The following CEP128 variants were observed in gnomAD, a reference collection of about 807,000 sequenced individuals.
The protein encoded by CEP128 is centrosomal protein 128kDa.
A neutral mutation model predicts 156.7 loss-of-function variants in CEP128; 132 were observed. The observed-to-expected ratio is 0.84, with a 90% CI of 0.73 to 0.97. The LOEUF (loss-of-function observed/expected upper bound fraction) is 0.97, where lower values mean the gene tolerates loss of function less well. Ranked by LOEUF, CEP128 falls within the 50% of genes least tolerant of loss-of-function variation. The pLI is 0.00. For synonymous variants in CEP128, 469 were observed against 448.9 expected (o/e 1.04, Z -0.57); for missense variants, 1,252 against 1,281.9 (o/e 0.98, Z 0.36).
chr14:80,794,352 C>G (rs1901875551), intron 13 of CEP128, among the ~76,000 whole-genome samples: 1 of 152,112 alleles, frequency 6.6e-6, no homozygotes, highest in Admixed American at 6.6e-5. Flanking sequence ...CAAAAACAAA[C>G]TTCATTTTCT....
In CEP128 at chr14:80,587,371, C is replaced by T. The variant is rs187764385; in HGVS notation, c.2807-6948G>A. On this transcript the variant is annotated intron_variant, in intron 19 of 24. Transcript: ENST00000555265. ...TCAGACACTGAAACAACATGCTGGT[C>T]TACAGATGGAGCCCAATTGGTCCAA... is the stretch of plus-strand genomic sequence containing the variant. Among the ~76,000 whole-genome samples the T allele has an allele frequency of 2.7e-3, 414 of 152,276 alleles. 2 individuals carry two copies. The highest frequency in any genetic ancestry group is 9.0e-3 in the African/African-American group (375 of 41,554).
At chr14:80,508,430 T>C (rs1316586745) in intron 23 of CEP128, among the ~76,000 whole-genome samples, 2 of 152,200 alleles carry the variant, frequency 1.3e-5, no homozygotes, top group African/African-American at 4.8e-5. Context: ...GAGATCACCT[T>C]CGTTGATGAT....
chr14:80,727,153 C>T (rs1043108709), intron 19 of CEP128, among the ~76,000 whole-genome samples: 1 of 152,088 alleles, frequency 6.6e-6, no homozygotes, highest in East Asian at 1.9e-4. Context: ...GGCCAAACAA[C>T]AGTTACCCCT....
Position 80,553,809 on chromosome 14 carries a change from T to C in CEP128, c.2880+5470A>G, listed in dbSNP as rs181574409. 2.5e-3 allele frequency among the ~76,000 whole-genome samples: 377 copies of C among 152,352 alleles called. 3 individuals are homozygous for C. Among genetic ancestry groups the C allele is most frequent in the Non-Finnish European group, 3.3e-3 (224 of 68,030 alleles). ...GCTAAACTCTGTATTTTTTCATAAT[T>C]TAACTATGAATTCCTTGGGCATTTT... On this transcript the variant is annotated intron_variant, in intron 21 of 24. Transcript: ENST00000555265.
At chr14:80,822,936 G>C (rs923669259) in intron 13 of CEP128, 5 of 464,306 alleles carry the variant, frequency 1.1e-5, no homozygotes, top group Admixed American at 9.5e-5. Context: ...CTTCATTGTT[G>C]TTTTTGGGGG....
rs145556118 is a variant in CEP128 at position 80,805,170 on chromosome 14, G to A, written c.1210-12060C>T. Reference sequence around the variant, plus strand: ...AACCTTGATAACCTAGATAAATCTAGGAGATTTAACCTAGATAAATCTCTA... The same window carrying A: ...AACCTTGATAACCTAGATAAATCTAAGAGATTTAACCTAGATAAATCTCTA... On this transcript the variant is annotated intron_variant, in intron 13 of 24. Transcript: ENST00000555265. Among the ~76,000 whole-genome samples the A allele has an allele frequency of 7.3e-3, 1,104 of 151,800 alleles. 9 individuals are homozygous for A. The highest frequency in any genetic ancestry group is 0.011 in the Non-Finnish European group (760 of 67,928).
chr14:80,861,574 C>T (rs1285747378), intron 9 of CEP128, among the ~76,000 whole-genome samples: 1 of 151,950 alleles, frequency 6.6e-6, no homozygotes, highest in Non-Finnish European at 1.5e-5. Flanking sequence ...AAAATGAAAG[C>T]CATTCTACAA....
rs200401152 is a variant in CEP128 at position 80,955,850 on chromosome 14, T to C, written c.-172+2328A>G. On this transcript the variant is annotated intron_variant, in intron 2 of 7. Coordinates refer to the CEP128 transcript ENST00000555529. The stretch of plus-strand genomic sequence containing the variant: ...AGCTTACCGCCCAGTACGCAGACTC[T>C]GTGAGTACCCGGGAGAGATCAGGGT... The C allele has an allele frequency of 5.0e-6, 8 of 1,614,032 alleles. No homozygotes were observed. Among genetic ancestry groups the C allele is most frequent in the South Asian group, 1.1e-5 (1 of 91,090 alleles).
intron 13 of CEP128, among the ~76,000 whole-genome samples, chr14:80,825,983 G>A (rs1015023203): frequency 6.6e-6 from 1 of 151,786 alleles, no homozygotes; most frequent in Non-Finnish European, 1.5e-5. Flanking sequence ...GCACACGCCT[G>A]TAATCCCAGC....
chr14:80,558,612 G>A lies in CEP128; in HGVS notation c.2880+667C>T, dbSNP rs541114413. On this transcript the variant is annotated intron_variant, in intron 21 of 24. Transcript: ENST00000555265. ...CAATTTTTGTATTTTTAGTAGAGAC[G>A]GGGTTTTACCACGTTGGCCAGGCTG... is the stretch of plus-strand genomic sequence containing the variant. 1.1e-4 allele frequency among the ~76,000 whole-genome samples: 17 copies of A among 151,974 alleles called. No individual in the cohort carries two copies. The East Asian group carries it at 2.7e-3, about 24-fold the overall frequency.
In CEP128 at chr14:80,699,352, G is replaced by A. The variant is rs549031994; in HGVS notation, c.2806+43723C>T. 1.9e-3 allele frequency among the ~76,000 whole-genome samples: 287 copies of A among 152,218 alleles called. 2 individuals carry two copies. Among genetic ancestry groups the A allele is most frequent in the African/African-American group, 6.6e-3 (276 of 41,554 alleles). ...TACCGCCCATGCACTACAGGCCATG[G>A]CCATGAAAGCATTTTCCAAGATGGT... is the stretch of plus-strand genomic sequence containing the variant. On this transcript the variant is annotated intron_variant, in intron 19 of 24. Coordinates refer to ENST00000555265, the MANE Select transcript of CEP128 (RefSeq NM_152446.5).
chr14:80,680,046 G>A (rs79251375), intron 19 of CEP128, among the ~76,000 whole-genome samples: 1 of 152,222 alleles, frequency 6.6e-6, no homozygotes, highest in African/African-American at 2.4e-5. Flanking sequence ...ATGCATTTTA[G>A]TCTTGAGCCA....
At chr14:80,859,111 G>A (rs1314169577) in intron 9 of CEP128, among the ~76,000 whole-genome samples, 4,365 of 148,938 alleles carry the variant, frequency 0.029, 180 homozygotes, top group African/African-American at 0.1. Flanking sequence ...TGTTTATTGC[G>A]GCATTATTCA....
intron 19 of CEP128, among the ~76,000 whole-genome samples, chr14:80,649,641 GT>G (rs1259227333): frequency 1.3e-5 from 2 of 152,026 alleles, no homozygotes; most frequent in Middle Eastern, 3.4e-3. Flanking sequence ...TAGGAATGGG[GT>G]AAAAAAAAGT....
At chr14:80,933,562 T>G (rs1026241638) in intron 2 of CEP128, among the ~76,000 whole-genome samples, 1 of 152,188 alleles carries the variant, frequency 6.6e-6, no homozygotes, top group Non-Finnish European at 1.5e-5. Context: ...GTAGCTTGAT[T>G]TGACCTGTGG....
intron 14 of CEP128, among the ~76,000 whole-genome samples, chr14:80,791,949 A>G (rs1402601676): frequency 6.6e-6 from 1 of 152,232 alleles, no homozygotes; most frequent in Non-Finnish European, 1.5e-5. Flanking sequence ...TTTGGAATGT[A>G]CAGAGTTCTC....
At chr14:80,699,912 T>C (rs1897014672) in intron 19 of CEP128, among the ~76,000 whole-genome samples, 1 of 152,038 alleles carries the variant, frequency 6.6e-6, no homozygotes, top group South Asian at 2.1e-4. Context: ...GTGTCTCCCT[T>C]AGGCAAGGAA....
chr14:80,636,694 T>C (rs973918339), intron 19 of CEP128, among the ~76,000 whole-genome samples: 4 of 152,172 alleles, frequency 2.6e-5, no homozygotes, highest in African/African-American at 9.7e-5. Context: ...CCCCAGCTAA[T>C]ATTATATTCT....
chr14:80,495,020 A>G (rs1171568529), downstream of CEP128, among the ~76,000 whole-genome samples: 1 of 152,142 alleles, frequency 6.6e-6, no homozygotes, highest in Non-Finnish European at 1.5e-5. Flanking sequence ...CTTCAACGGA[A>G]GTTTAGTGTG....
Sources: gnomAD v4.1 joint callset for allele counts (sites outside exome capture counted in the v4.1 genomes callset) on GRCh38, gnomAD v4.1.1 for gene constraint, MANE v1.5 for transcripts, NCBI Gene and HGNC (gene_info 2026-07-23, HGNC 2026-07-21) for gene names.